Variants in CDH18 observed in about 807,000 individuals in gnomAD.
The protein encoded by CDH18 is cadherin 18, also known as cadherin-18.
In CDH18, 31 loss-of-function variants were observed where a neutral mutation model predicts 67.9. That is an observed-to-expected ratio of 0.46 (90% confidence interval 0.34 to 0.62). CDH18 has a LOEUF of 0.62. CDH18 is among the 20% of genes least tolerant of loss of function. CDH18 has a pLI of 0.01. For missense variants in CDH18, 890 were observed against 975.5 expected (o/e 0.91, Z 1.17); for synonymous variants, 362 against 347.2 (o/e 1.04, Z -0.48).
intron 2 of CDH18, among the ~76,000 whole-genome samples, chr5:20,065,020 A>T (rs1177643342): frequency 6.6e-6 from 1 of 152,002 alleles, no homozygotes; most frequent in Admixed American, 6.6e-5. Flanking sequence ...AAACTGTTAA[A>T]ATAACAGTTT....
intron 1 of CDH18, among the ~76,000 whole-genome samples, chr5:20,434,904 C>G (rs1560999015): frequency 6.6e-6 from 1 of 152,004 alleles, no homozygotes; most frequent in Non-Finnish European, 1.5e-5. Flanking sequence ...TGACTAGAAG[C>G]AGTTGGATCT....
At chr5:20,241,231 G>A (rs1296514344) in intron 2 of CDH18, among the ~76,000 whole-genome samples, 1 of 152,108 alleles carries the variant, frequency 6.6e-6, no homozygotes, top group African/African-American at 2.4e-5. Context: ...ATAAATAGGT[G>A]AGACTAGGCA....
At chr5:19,905,434 T>C (rs1160682044) in intron 2 of CDH18, among the ~76,000 whole-genome samples, 1 of 150,852 alleles carries the variant, frequency 6.6e-6, no homozygotes. Flanking sequence ...ATTTAAAATA[T>C]TGGAAGATAA....
At position 20,224,486 on chromosome 5, in the gene CDH18, G is replaced by C. The variant is rs546216080; in HGVS notation, c.-518+30958C>G. 3.3e-5 allele frequency among the ~76,000 whole-genome samples: 5 copies of C among 149,650 alleles called. No individual in the cohort carries two copies. In the South Asian group the frequency reaches 1.1e-3, roughly 32 times the overall value. ...TGGTTATATGAGTGTGCACCAATGA[G>C]ACAGCTTGGATTTTCGCCAGGCAAA... On this transcript the variant is annotated intron_variant, in intron 2 of 14. Transcript: ENST00000507958.
At position 20,130,078 on chromosome 5, in the gene CDH18, A is replaced by ATTATTATTATTATTATTG. The variant is rs1554093993; in HGVS notation, c.-518+125348_-518+125365dup. 6.2e-3 allele frequency among the ~76,000 whole-genome samples: 882 copies of ATTATTATTATTATTATTG among 142,116 alleles called. 12 individuals carry two copies. The highest frequency in any genetic ancestry group is 0.018 in the African/African-American group (713 of 38,616). 93.2% of individuals were successfully genotyped at this position (142,116 alleles called of 152,430 possible). A position where few individuals can be genotyped will look rare whatever the true frequency, so the allele number is the denominator to read the frequency against. On this transcript the variant is annotated intron_variant, in intron 2 of 14. Transcript: ENST00000507958. ...TGGCAATATTATTATTATTATTGTT[A>ATTATTATTATTATTATTG]TTATTATTATTATTATTGAATGTGT...
chr5:19,772,285 T>C lies in CDH18; in HGVS notation c.229-25049A>G, dbSNP rs77217256. ...TTGCATGGAGAATAGGCTTTGCTGATGTGAGTAATTTAAGGAGAGTTAATC... is the reference window on the plus strand; with the variant it reads ...TTGCATGGAGAATAGGCTTTGCTGACGTGAGTAATTTAAGGAGAGTTAATC... On this transcript the variant is annotated intron_variant, in intron 3 of 12. Transcript: ENST00000382275. Among the ~76,000 whole-genome samples, 1,237 of 152,246 alleles carry C rather than the reference T, an allele frequency of 8.1e-3. 35 individuals are homozygous for C. Among genetic ancestry groups the C allele is most frequent in the Admixed American group, 0.045 (691 of 15,282 alleles).
chr5:19,628,905 C>T (rs1751979765), intron 5 of CDH18, among the ~76,000 whole-genome samples: 1 of 151,496 alleles, frequency 6.6e-6, no homozygotes. Context: ...GCAAAAGATG[C>T]CCACTGATCA....
intron 7 of CDH18, among the ~76,000 whole-genome samples, chr5:19,590,843 C>T (rs1200955782): frequency 1.3e-5 from 2 of 152,066 alleles, no homozygotes; most frequent in African/African-American, 4.8e-5. Flanking sequence ...TTAGTGTAGT[C>T]TACATCAGAT....
At chr5:20,271,413 G>T (rs569493583) in intron 1 of CDH18, among the ~76,000 whole-genome samples, 105 of 152,148 alleles carry the variant, frequency 6.9e-4, no homozygotes, top group Non-Finnish European at 1.1e-3. Flanking sequence ...GAAATATCTA[G>T]AAGAGAGCAT....
Position 20,187,582 on chromosome 5 carries a change from A to G in CDH18, c.-518+67862T>C, listed in dbSNP as rs1051545545. ...TTTCCTGCTTGCAGCTGTCAAATAC[A>G]TGTTGGCTCCTATGTGATTTTTAAA... On this transcript the variant is annotated intron_variant, in intron 2 of 14. Transcript: ENST00000507958. Among the ~76,000 whole-genome samples the G allele has an allele frequency of 2.6e-5, 4 of 152,044 alleles. No homozygotes were observed. In the South Asian group the frequency reaches 8.3e-4, roughly 32 times the overall value.
intron 2 of CDH18, among the ~76,000 whole-genome samples, chr5:19,915,378 C>A (rs1791648191): frequency 1.3e-5 from 2 of 152,194 alleles, no homozygotes; most frequent in African/African-American, 4.8e-5. Flanking sequence ...GGCGCCAACC[C>A]CTGCACAGTC....
At chr5:19,743,181 G>T (rs1355343772) in intron 4 of CDH18, among the ~76,000 whole-genome samples, 1 of 152,096 alleles carries the variant, frequency 6.6e-6, no homozygotes, top group Non-Finnish European at 1.5e-5. Flanking sequence ...ATAACTAACA[G>T]TATCTACCCA....
intron 1 of CDH18, among the ~76,000 whole-genome samples, chr5:20,259,507 G>A (rs1561919427): frequency 6.6e-6 from 1 of 151,928 alleles, no homozygotes; most frequent in Non-Finnish European, 1.5e-5. Context: ...TAAGGATGAA[G>A]GCCTTTATGA....
chr5:20,043,524 T>C (rs1740631535), intron 2 of CDH18, among the ~76,000 whole-genome samples: 1 of 152,218 alleles, frequency 6.6e-6, no homozygotes, highest in Non-Finnish European at 1.5e-5. Flanking sequence ...AAAGCACTTC[T>C]GTGCAGGGCA....
At chr5:20,238,030 A>G (rs1742607700) in intron 2 of CDH18, among the ~76,000 whole-genome samples, 1 of 151,998 alleles carries the variant, frequency 6.6e-6, no homozygotes, top group Non-Finnish European at 1.5e-5. Context: ...TTTTTGACAA[A>G]CATGCCAAGA....
chr5:19,557,655 T>C (rs756065384), intron 8 of CDH18, among the ~76,000 whole-genome samples: 24 of 151,904 alleles, frequency 1.6e-4, no homozygotes, highest in Non-Finnish European at 2.1e-4. Flanking sequence ...CAGTTACTAC[T>C]AAACCAAAGA....
chr5:20,260,482 T>C (rs1161530063), intron 1 of CDH18, among the ~76,000 whole-genome samples: 3 of 152,036 alleles, frequency 2.0e-5, no homozygotes, highest in Non-Finnish European at 4.4e-5. Flanking sequence ...TTGATGAGAT[T>C]CTGGATTTTG....
At chr5:19,488,388 A>G (rs1028340709) in intron 11 of CDH18, among the ~76,000 whole-genome samples, 7 of 152,214 alleles carry the variant, frequency 4.6e-5, no homozygotes, top group African/African-American at 7.2e-5. Context: ...CTGCCAGACC[A>G]TTAAAGTAAT....
intron 2 of CDH18, among the ~76,000 whole-genome samples, chr5:20,121,459 T>C (rs1748346262): frequency 1.3e-5 from 2 of 152,154 alleles, no homozygotes. Flanking sequence ...ACACTGTTTG[T>C]TACTATTTGT....
Sources: gnomAD v4.1 joint callset for allele counts (sites outside exome capture counted in the v4.1 genomes callset) on GRCh38, gnomAD v4.1.1 for gene constraint, MANE v1.5 for transcripts, NCBI Gene and HGNC (gene_info 2026-07-23, HGNC 2026-07-21) for gene names.